The following RBM44 variants were observed in gnomAD, a reference collection of about 807,000 sequenced individuals.
The protein encoded by RBM44 is RNA binding motif protein 44.
RBM44 carries 66 observed loss-of-function variants against 105.1 expected under a neutral mutation model. That is an observed-to-expected ratio of 0.63 (90% CI 0.52 to 0.77). RBM44 has a LOEUF of 0.77. Among genes scored for constraint, RBM44 ranks in the 30% least tolerant of loss-of-function variants. The pLI, the probability that RBM44 is intolerant of heterozygous loss-of-function variation, is 0.00. For synonymous variants in RBM44, 365 were observed against 417.6 expected (o/e 0.87, Z 1.54); for missense variants, 1,122 against 1,207.8 (o/e 0.93, Z 1.05).
Position 237,798,893 on chromosome 2 carries a change from C to A in RBM44, c.-19+32C>A. 2 of 153,194 alleles carry A rather than the reference C, an allele frequency of 1.3e-5. No homozygotes were observed. Among genetic ancestry groups the A allele is most frequent in the South Asian group, 4.1e-4 (2 of 4,896 alleles). 9.5% of individuals were successfully genotyped at this position (153,194 alleles called of 1,614,324 possible). A position where few individuals can be genotyped will look rare whatever the true frequency, so the allele number is the denominator to read the frequency against. On this transcript the variant is annotated intron_variant, in intron 1 of 15. Transcript: ENST00000316997. This position sits in a 1 kb window ranked among gnomAD's most constrained non-coding sequence, Gnocchi z 4.3. ...CGGACAGAGACGCGGGGCGGCAGGT[C>A]GGGCGGCGAAGCCGGCGAGGGCGAG...
intron 1 of RBM44, among the ~76,000 whole-genome samples, chr2:237,800,007 G>A (rs1202505058): frequency 6.6e-6 from 1 of 152,158 alleles, no homozygotes; most frequent in East Asian, 1.9e-4. Flanking sequence ...CCTAGGAGTG[G>A]AATTGCTGGA....
At position 237,821,264 on chromosome 2, in the gene RBM44, T is replaced by C. The variant is rs372460070; in HGVS notation, c.2097+10T>C. The C allele has an allele frequency of 4.1e-5, 65 of 1,571,580 alleles. 1 individual carries two copies. In the South Asian group the frequency reaches 7.4e-4, roughly 18 times the overall value. ...TACTTTTGCTTCCAGGGTATGTATA[T>C]ATGTTTTAGAAATAAAAAATTTTAC... On this transcript the variant is annotated intron_variant, in intron 6 of 15. Transcript: ENST00000316997.
At chr2:237,836,519 C>T (rs1257424880) in intron 15 of RBM44, among the ~76,000 whole-genome samples, 4 of 152,116 alleles carry the variant, frequency 2.6e-5, no homozygotes, top group Non-Finnish European at 4.4e-5. Flanking sequence ...CAGTGGCTCA[C>T]GCCTGTAATC....
intron 13 of RBM44, among the ~76,000 whole-genome samples, chr2:237,830,921 C>CAA (rs747488519): frequency 1.4e-5 from 2 of 138,542 alleles, no homozygotes; most frequent in African/African-American, 2.6e-5. Flanking sequence ...CGTCTATCTA[C>CAA]AAAAAAAAAA....
intron 2 of RBM44, 70 bp downstream of exon 2, chr2:237,813,752 T>G: frequency 9.7e-7 from 1 of 1,034,596 alleles, no homozygotes; most frequent in Non-Finnish European, 1.5e-6. Flanking sequence ...CCAGACAGTT[T>G]GCCCTTCAGG....
Position 237,827,286 on chromosome 2 carries a change from G to C in RBM44, c.2486G>C (p.Gly829Ala), listed in dbSNP as rs571893965. 1 of 1,595,068 alleles carries C rather than the reference G, an allele frequency of 6.3e-7. No homozygotes were observed. Among genetic ancestry groups the C allele is most frequent in the Non-Finnish European group, 8.6e-7 (1 of 1,167,300 alleles). The stretch of plus-strand genomic sequence containing the variant: ...GTTGAACCCTCACAAAGAGATAAAG[G>C]TTATTTGATACATGTTGGTGGCCTC... Reference protein sequence around the residue: ...KNVEPSQRDKGYLIHVGGLCP... With the variant: ...KNVEPSQRDKAYLIHVGGLCP... Residue 829 changes from glycine (G) to alanine (A), a missense_variant, in exon 11 of 16, where the codon GGT (glycine) becomes GCT (alanine). Around this residue, in one of 3 missense-constraint regions of RBM44, gnomAD observed 918 missense variants for 955.3 expected, o/e 0.96. Coordinates refer to ENST00000316997, the MANE Select transcript of RBM44 (RefSeq NM_001080504.3).
At chr2:237,808,228 G>A (rs755976178) in intron 1 of RBM44, among the ~76,000 whole-genome samples, 2 of 152,034 alleles carry the variant, frequency 1.3e-5, no homozygotes, top group East Asian at 1.9e-4. Flanking sequence ...TGAGGTGGGC[G>A]GATCACTTGA....
In RBM44 at chr2:237,818,700, T is replaced by C. The variant is rs1271540323; in HGVS notation, c.1677+104T>C. The C allele has an allele frequency of 1.3e-6, 1 of 789,786 alleles. No individual in the cohort carries two copies. The highest frequency in any genetic ancestry group is 1.8e-5 in the African/African-American group (1 of 56,754). The allele number at this position is 789,786 out of a possible 1,614,324, so 48.9% of individuals were successfully genotyped here. On this transcript the variant is annotated intron_variant, in intron 3 of 15. Transcript: ENST00000316997. The surrounding 1 kb of genome is among the most constrained non-coding windows in gnomAD (Gnocchi z 4.6). ...TTGAATTAAGGCTTTTGTGAGAAGA[T>C]GCTAGATGAGGGGAGTAAATTAAAA...
rs1417988804 is a variant in RBM44 at position 237,841,685 on chromosome 2, AAATT to A, written c.*23-149_*23-146del. ...TGCTAGATACAAAGACAAGACACAA[AAATT>A]AATTGCAATTCTCACTATCCATGAT... is the stretch of plus-strand genomic sequence containing the variant. On this transcript the variant is annotated intron_variant, in intron 15 of 15. Coordinates refer to ENST00000316997, the MANE Select transcript of RBM44 (RefSeq NM_001080504.3). This position sits in a 1 kb window ranked among gnomAD's most constrained non-coding sequence, Gnocchi z 4.5. Among the ~76,000 whole-genome samples, 3 of 152,236 alleles carry A rather than the reference AAATT, an allele frequency of 2.0e-5. No individual in the cohort carries two copies. The highest frequency in any genetic ancestry group is 7.2e-5 in the African/African-American group (3 of 41,470).
At chr2:237,835,283 T>G (rs76409494) in intron 15 of RBM44, among the ~76,000 whole-genome samples, 5 of 152,304 alleles carry the variant, frequency 3.3e-5, no homozygotes, top group African/African-American at 1.2e-4. Context: ...ATATTGAAAT[T>G]AGGCCAACTG....
In RBM44 at chr2:237,824,279, T is replaced by A. The variant is rs200750188; in HGVS notation, c.2321-12T>A. ...ACGTGTCATTCATAGCTCACTGTGT[T>A]GAGTGTCTTAGACTGCAGACATTAC... On this transcript the variant is annotated splice_polypyrimidine_tract_variant and intron_variant, in intron 9 of 15. Coordinates refer to ENST00000316997, the MANE Select transcript of RBM44 (RefSeq NM_001080504.3). 6.2e-7 allele frequency: 1 copy of A among 1,612,278 alleles called. No individual in the cohort carries two copies. The highest frequency in any genetic ancestry group is 1.3e-5 in the African/African-American group (1 of 74,954).
At chr2:237,801,616 C>A (rs891429752) in intron 1 of RBM44, among the ~76,000 whole-genome samples, 1 of 152,092 alleles carries the variant, frequency 6.6e-6, no homozygotes, top group Non-Finnish European at 1.5e-5. Context: ...TGTGAGCCAC[C>A]GCACCTGGCC....
At chr2:237,810,337 T>A (rs1435054617) in intron 1 of RBM44, among the ~76,000 whole-genome samples, 3 of 152,234 alleles carry the variant, frequency 2.0e-5, no homozygotes, top group Non-Finnish European at 4.4e-5. Flanking sequence ...ACAATATGCA[T>A]TCATTTTAAC....
intron 2 of RBM44, among the ~76,000 whole-genome samples, chr2:237,815,201 A>G (rs2150975192): frequency 6.6e-6 from 1 of 152,342 alleles, no homozygotes; most frequent in Admixed American, 6.5e-5. Flanking sequence ...ATTCAGTTAT[A>G]TTACAAATGT....
chr2:237,817,966 C>A lies in RBM44; in HGVS notation c.1047C>A (p.Asn349Lys). The A allele has an allele frequency of 6.2e-7, 1 of 1,609,484 alleles. No individual in the cohort carries two copies. Among genetic ancestry groups the A allele is most frequent in the Non-Finnish European group, 8.5e-7 (1 of 1,178,422 alleles). The change falls in exon 3 of 16, where the codon AAC becomes AAA. Residue 349 changes from asparagine to lysine, a missense_variant. Around this residue, in one of 3 missense-constraint regions of RBM44, gnomAD observed 918 missense variants for 955.3 expected, o/e 0.96. Coordinates refer to ENST00000316997, the MANE Select transcript of RBM44 (RefSeq NM_001080504.3). ...TTTGTGGAAATAAAATTGTTGAGAA[C>A]AAAATATTACTGCACCTTGAAAATC... ...KDFCGNKIVE[N>K]KILLHLENPS...
intron 10 of RBM44, among the ~76,000 whole-genome samples, chr2:237,825,029 A>C (rs1025465626): frequency 4.6e-5 from 7 of 151,904 alleles, no homozygotes; most frequent in African/African-American, 1.7e-4. Context: ...TGCTTGTCTA[A>C]ATAATGCTTA....
At chr2:237,806,179 T>C (rs1426846006) in intron 1 of RBM44, among the ~76,000 whole-genome samples, 1 of 152,212 alleles carries the variant, frequency 6.6e-6, no homozygotes, top group Non-Finnish European at 1.5e-5. Flanking sequence ...ATATCCTCTG[T>C]AATTTTAGTG....
chr2:237,834,114 C>T lies in RBM44; in HGVS notation c.3004C>T (p.Leu1002=). The change falls in exon 14 of 16, where the codon CTG becomes TTG. Residue 1002 remains leucine, a synonymous_variant. Coordinates refer to ENST00000316997, the MANE Select transcript of RBM44 (RefSeq NM_001080504.3). The part of the protein sequence containing the change: ...LRSFTKIIKR[L]AELHPEVSRD... ...TAGCTTTACCAAGATCATAAAGAGA[C>T]TGGCTGAACTGCATCCAGAAGTCAG... The T allele has an allele frequency of 6.3e-7, 1 of 1,576,278 alleles. No individual in the cohort carries two copies. The highest frequency in any genetic ancestry group is 1.7e-4 in the Middle Eastern group (1 of 5,964).
chr2:237,800,696 T>C (rs1229100493), intron 1 of RBM44, among the ~76,000 whole-genome samples: 2 of 147,874 alleles, frequency 1.4e-5, no homozygotes, highest in East Asian at 3.9e-4. Context: ...ATTACCCAAA[T>C]AAAAAAAAAT....
Sources: gnomAD v4.1 joint callset for allele counts (sites outside exome capture counted in the v4.1 genomes callset) on GRCh38, gnomAD v4.1.1 for gene constraint, gnomAD v4.1.1 regional missense constraint, Gnocchi (gnomAD v3.1) non-coding constraint, MANE v1.5 for transcripts, NCBI Gene and HGNC (gene_info 2026-07-23, HGNC 2026-07-21) for gene names.